Variants in BAIAP3 observed in about 807,000 individuals in gnomAD.
BAIAP3 encodes BAI1 associated protein 3, also known as BAI1-associated protein 3.
A neutral mutation model predicts 149.7 loss-of-function variants in BAIAP3; 180 were observed. The ratio of observed to expected loss-of-function variants is 1.20; its 90% CI spans 1.07 to 1.36. The LOEUF is 1.36. BAIAP3 is among the 40% of genes most tolerant of loss of function. The pLI, the probability that BAIAP3 is intolerant of heterozygous loss-of-function variation, is 0.00. For synonymous variants in BAIAP3, 845 were observed against 670.7 expected (o/e 1.26, Z -4.02); for missense variants, 1,767 against 1,563.4 (o/e 1.13, Z -2.20).
Position 1,336,426 on chromosome 16 carries a change from C to T in BAIAP3, c.-10-2114C>T, listed in dbSNP as rs543801285. On this transcript the variant is annotated intron_variant, in intron 1 of 33. Coordinates refer to ENST00000426824, the MANE Select transcript of BAIAP3 (RefSeq NM_001199097.2). ...TGAGTCCCCCCCGCAAGCATTGCCTCTCACAGGGTGGGAGACGCAAACCCT... is the reference window on the plus strand; with the variant it reads ...TGAGTCCCCCCCGCAAGCATTGCCTTTCACAGGGTGGGAGACGCAAACCCT... 13 of 980,030 alleles carry T rather than the reference C, an allele frequency of 1.3e-5. No homozygotes were observed. The South Asian group carries it at 5.2e-4, about 39-fold the overall frequency. The allele number at this position is 980,030 out of a possible 1,614,324, so 60.7% of individuals were successfully genotyped here. A position where few individuals can be genotyped will look rare whatever the true frequency, so the allele number is the denominator to read the frequency against.
Position 1,339,601 on chromosome 16 carries a change from C to T in BAIAP3, c.406C>T (p.Gln136Ter). 1 of 1,610,200 alleles carries T rather than the reference C, an allele frequency of 6.2e-7. No homozygotes were observed. The highest frequency in any genetic ancestry group is 1.1e-5 in the South Asian group (1 of 90,478). Residue 136 changes from glutamine to a stop codon, truncating the protein, a stop_gained and splice_region_variant, in exon 5 of 34, where the codon CAG (glutamine) becomes TAG (stop). Coordinates refer to ENST00000426824, the MANE Select transcript of BAIAP3 (RefSeq NM_001199097.2). LOFTEE classifies it high-confidence loss of function. ...DEEALLSYLQQVFGTSLEEHT... is the reference protein window; with the variant it reads ...DEEALLSYLQ ...GGAGGCCCTGCTCAGCTATCTCCAG[C>T]AGGTCAGCCCACCCTGACCCCGACC...
At position 1,345,872 on chromosome 16, in the gene BAIAP3, G is replaced by A. The variant is rs764060958; in HGVS notation, c.2190G>A (p.Leu730=). ...AWPDPAQAQG[L]GTQLGQDVCE... ...CTGACCCTGCCCAGGCTCAGGGGCT[G>A]GGCACCCAGCTTGGCCAGGTGTGTG... The change falls in exon 23 of 34, where the codon CTG becomes CTA. Residue 730 remains leucine, a synonymous_variant. Transcript: ENST00000426824. 1.2e-5 allele frequency: 19 copies of A among 1,578,310 alleles called. No homozygotes were observed. Among genetic ancestry groups the A allele is most frequent in the African/African-American group, 5.4e-5 (4 of 74,430 alleles).
At chr16:1,342,680 G>A (rs774117561) in intron 12 of BAIAP3, 39 bp from the exon 13 acceptor site, 35 of 1,610,666 alleles carry the variant, frequency 2.2e-5, no homozygotes, top group Non-Finnish European at 2.7e-5. Flanking sequence ...TCCTTGGGGC[G>A]GGGGCAGAGC....
intron 11 of BAIAP3, 107 bp from the exon 12 acceptor site, chr16:1,342,420 C>G (rs1480901828): frequency 7.3e-7 from 1 of 1,372,386 alleles, no homozygotes; most frequent in Non-Finnish European, 1.0e-6. Context: ...CCCTCATTCC[C>G]CGGAGAAGGG....
intron 1 of BAIAP3, among the ~76,000 whole-genome samples, chr16:1,335,766 A>AG (rs2033411473): frequency 6.6e-6 from 1 of 152,086 alleles, no homozygotes; most frequent in Admixed American, 6.5e-5. Context: ...GGGCAGTGGG[A>AG]GGGGCAGGAG....
chr16:1,348,889 G>A lies in BAIAP3; in HGVS notation c.*407G>A, dbSNP rs1386788644. On this transcript the variant is annotated 3_prime_UTR_variant, in exon 34 of 34. Transcript: ENST00000426824. ...ACGGGCAATGTGCAGACGCATTTTTGGTAATCACAGCTGGGGAGTGAAAAG... is the reference window on the plus strand; with the variant it reads ...ACGGGCAATGTGCAGACGCATTTTTAGTAATCACAGCTGGGGAGTGAAAAG... 1.7e-5 allele frequency: 5 copies of A among 287,516 alleles called. No homozygotes were observed. The highest frequency in any genetic ancestry group is 3.3e-5 in the Non-Finnish European group (5 of 150,270). 17.8% of individuals were successfully genotyped at this position (287,516 alleles called of 1,614,324 possible).
Position 1,342,556 on chromosome 16 carries a change from G to A in BAIAP3, c.987G>A (p.Trp329Ter), listed in dbSNP as rs1243384220. The A allele has an allele frequency of 1.9e-6, 3 of 1,555,202 alleles. No homozygotes were observed. Among genetic ancestry groups the A allele is most frequent in the Non-Finnish European group, 2.6e-6 (3 of 1,150,156 alleles). The change falls in exon 12 of 34, where the codon TGG (tryptophan) becomes TGA (stop). Residue 329 changes from tryptophan (W) to a stop codon, truncating the protein, a stop_gained. Transcript: ENST00000426824. LOFTEE classifies it high-confidence loss of function. ...REVPVAGVDR[W>*]FKLEPRSSAS... The stretch of plus-strand genomic sequence containing the variant: ...TGCCTGTGGCTGGCGTCGACCGCTG[G>A]TTCAAGCTGGAGCCACGCTCCAGTG...
intron 5 of BAIAP3, among the ~76,000 whole-genome samples, chr16:1,339,812 G>GAC (rs796854566): frequency 2.4e-5 from 3 of 126,618 alleles, no homozygotes; most frequent in African/African-American, 9.5e-5. Context: ...GGTGCACACA[G>GAC]ACACACACAC....
At chr16:1,336,981 G>T (rs1256877925) in intron 1 of BAIAP3, among the ~76,000 whole-genome samples, 1 of 152,188 alleles carries the variant, frequency 6.6e-6, no homozygotes, top group Non-Finnish European at 1.5e-5. Flanking sequence ...GCTGGGACAG[G>T]AACCCAAGAG....
intron 1 of BAIAP3, chr16:1,336,129 C>T: frequency 1.2e-6 from 1 of 825,598 alleles, no homozygotes; most frequent in Non-Finnish European, 1.5e-6. Flanking sequence ...CTGCGAGCCC[C>T]CATCGCCCCT....
At position 1,347,704 on chromosome 16, in the gene BAIAP3, A is replaced by G. The variant is rs761372710; in HGVS notation, c.2908A>G (p.Thr970Ala). 2 of 1,610,180 alleles carry G rather than the reference A, an allele frequency of 1.2e-6. No homozygotes were observed. Among genetic ancestry groups the G allele is most frequent in the Non-Finnish European group, 1.7e-6 (2 of 1,178,072 alleles). ...GCGCTCACCCGCCTTTCCGCAGAGG[A>G]CCCTGGAGCAGAACCGGTTTGGACG... ...QFYLDKLKQR[T>A]LEQNRFGRLS... is the part of the protein sequence containing the mutation. The change falls in exon 31 of 34, where the codon ACC becomes GCC. Residue 970 changes from threonine (T) to alanine (A), a missense_variant. Coordinates refer to ENST00000426824, the MANE Select transcript of BAIAP3 (RefSeq NM_001199097.2).
At position 1,346,474 on chromosome 16, in the gene BAIAP3, C is replaced by T; in HGVS notation, c.2526C>T (p.His842=). 6.2e-7 allele frequency: 1 copy of T among 1,612,384 alleles called. No homozygotes were observed. The highest frequency in any genetic ancestry group is 8.5e-7 in the Non-Finnish European group (1 of 1,179,696). The change falls in exon 26 of 34, where the codon CAC becomes CAT. Residue 842 remains histidine, a synonymous_variant. Transcript: ENST00000426824. ...GCGACATCCGCAAGTATGTACAGCA[C>T]ATCAGTCTCTCGCCTGACTCCATCC... ...MVGDIRKYVQ[H]ISLSPDSIQN...
intron 1 of BAIAP3, among the ~76,000 whole-genome samples, chr16:1,338,199 G>T (rs2033599972): frequency 6.6e-6 from 1 of 152,102 alleles, no homozygotes; most frequent in African/African-American, 2.4e-5. Context: ...GAGGGGTGTG[G>T]GGGGCGAGTG....
At chr16:1,334,824 G>A in intron 1 of BAIAP3, 2 of 1,425,102 alleles carry the variant, frequency 1.4e-6, no homozygotes, top group African/African-American at 2.8e-5. Context: ...GGGGGCTGAG[G>A]GAGGAAGAGC....
At chr16:1,347,019 T>G (rs923584380) in intron 28 of BAIAP3, 64 bp downstream of exon 28, 2 of 1,444,612 alleles carry the variant, frequency 1.4e-6, no homozygotes, top group Non-Finnish European at 1.9e-6. Context: ...GATCCCTCCC[T>G]TTGTCCCCAC....
intron 14 of BAIAP3, 80 bp from the exon 15 acceptor site, chr16:1,343,311 AAG>A (rs1249659349): frequency 6.1e-5 from 92 of 1,517,800 alleles, no homozygotes; most frequent in South Asian, 2.6e-4. Context: ...GGGGCAGAGA[AAG>A]GGGTAGTGCT....
chr16:1,341,765 C>G, intron 8 of BAIAP3, 57 bp from the exon 9 acceptor site: 1 of 1,573,914 alleles, frequency 6.4e-7, no homozygotes, highest in Non-Finnish European at 8.6e-7. Context: ...CTCCCTGACC[C>G]CGGCCTGGGC....
At position 1,344,684 on chromosome 16, in the gene BAIAP3, C is replaced by T; in HGVS notation, c.1743C>T (p.Ala581=). Residue 581 remains alanine (A), a synonymous_variant, in exon 19 of 34, where the codon GCC becomes GCT. Transcript: ENST00000426824. The stretch of plus-strand genomic sequence containing the variant: ...TTCAGTTCTGCTACAGTGTGTACGC[C>T]AGCCTCTTCCACAGGTGGGCCTGGC... ...DDLQFCYSVY[A]SLFHSILNVD... is the part of the protein sequence containing the mutation. 1.2e-6 allele frequency: 2 copies of T among 1,613,624 alleles called. No individual in the cohort carries two copies. Among genetic ancestry groups the T allele is most frequent in the Non-Finnish European group, 1.7e-6 (2 of 1,180,030 alleles).
Position 1,344,960 on chromosome 16 carries a change from C to T in BAIAP3, c.1810-9C>T, listed in dbSNP as rs537546059. ...GCTGCTGGAGGCCTGATCCTGCTGTCCCGGACAGGTGGCTGAGGAGGCGTG... is the reference window on the plus strand; with the variant it reads ...GCTGCTGGAGGCCTGATCCTGCTGTTCCGGACAGGTGGCTGAGGAGGCGTG... On this transcript the variant is annotated splice_polypyrimidine_tract_variant and intron_variant, in intron 20 of 33. Transcript: ENST00000426824. The T allele has an allele frequency of 1.9e-6, 3 of 1,613,370 alleles. No homozygotes were observed. The highest frequency in any genetic ancestry group is 1.1e-5 in the South Asian group (1 of 91,060).
Sources: gnomAD v4.1 joint callset for allele counts (sites outside exome capture counted in the v4.1 genomes callset) on GRCh38, gnomAD v4.1.1 for gene constraint, MANE v1.5 for transcripts, NCBI Gene and HGNC (gene_info 2026-07-23, HGNC 2026-07-21) for gene names.